Variants in ZNF521 observed in about 807,000 individuals in gnomAD.
ZNF521 encodes the protein LYST-interacting protein 3.
ZNF521 carries 14 observed loss-of-function variants against 105.5 expected under a neutral mutation model. The observed-to-expected ratio is 0.13, with a 90% confidence interval of 0.09 to 0.21. The LOEUF (loss-of-function observed/expected upper bound fraction) is 0.21, where lower values mean the gene tolerates loss of function less well. Ranked by LOEUF, ZNF521 falls within the 10% of genes least tolerant of loss-of-function variation. ZNF521 has a pLI of 1.00. For synonymous variants in ZNF521, 635 were observed against 606.0 expected (o/e 1.05, Z -0.70); for missense variants, 1,233 against 1,629.7 (o/e 0.76, Z 4.19).
At chr18:25,283,009 C>T (rs1216828145) in intron 3 of ZNF521, among the ~76,000 whole-genome samples, 1 of 152,202 alleles carries the variant, frequency 6.6e-6, no homozygotes, top group Non-Finnish European at 1.5e-5. Context: ...ATTAAACCTA[C>T]AGAGAATGAC....
intron 7 of ZNF521, among the ~76,000 whole-genome samples, chr18:25,074,833 T>C (rs1432116988): frequency 6.6e-6 from 1 of 152,124 alleles, no homozygotes; most frequent in African/African-American, 2.4e-5. Context: ...TCACCCCTTA[T>C]GGTGCACAGA....
chr18:25,313,206 T>C (rs937619451), intron 3 of ZNF521, among the ~76,000 whole-genome samples: 7 of 152,118 alleles, frequency 4.6e-5, no homozygotes, highest in African/African-American at 1.7e-4. Context: ...GCCCCTTTTA[T>C]CCCATCTCAT....
At chr18:25,181,598 A>G (rs566187331) in intron 5 of ZNF521, among the ~76,000 whole-genome samples, 1 of 152,346 alleles carries the variant, frequency 6.6e-6, no homozygotes, top group South Asian at 2.1e-4. Flanking sequence ...ATGAAGTTAT[A>G]GGATTCTTTA....
chr18:25,199,959 A>G (rs1390641496), intron 4 of ZNF521, among the ~76,000 whole-genome samples: 2 of 152,096 alleles, frequency 1.3e-5, no homozygotes, highest in Non-Finnish European at 2.9e-5. Context: ...TAGTCTATAA[A>G]GAACTTGTAT....
intron 5 of ZNF521, among the ~76,000 whole-genome samples, chr18:25,178,584 T>C (rs2035573865): frequency 6.6e-6 from 1 of 152,218 alleles, no homozygotes; most frequent in Admixed American, 6.5e-5. Context: ...TTTCCCACCA[T>C]TGCCAAAGAA....
At chr18:25,160,131 T>G (rs1284231885) in intron 5 of ZNF521, among the ~76,000 whole-genome samples, 1 of 152,182 alleles carries the variant, frequency 6.6e-6, no homozygotes, top group Non-Finnish European at 1.5e-5. Flanking sequence ...CAATCTGGAT[T>G]AGCCATCAGG....
intron 5 of ZNF521, among the ~76,000 whole-genome samples, chr18:25,140,392 G>A (rs2034824438): frequency 6.6e-6 from 1 of 152,166 alleles, no homozygotes; most frequent in Admixed American, 6.5e-5. Flanking sequence ...TTTTGATTGG[G>A]GATGACATTT....
At chr18:25,069,820 C>T (rs550441138) in intron 7 of ZNF521, among the ~76,000 whole-genome samples, 1 of 152,306 alleles carries the variant, frequency 6.6e-6, no homozygotes, top group Admixed American at 6.5e-5. Flanking sequence ...AAGTTCTACT[C>T]TTTTATTATG....
intron 4 of ZNF521, among the ~76,000 whole-genome samples, chr18:25,198,130 T>G (rs956238579): frequency 1.3e-5 from 2 of 151,892 alleles, no homozygotes; most frequent in African/African-American, 2.4e-5. Context: ...AGAGACTTTT[T>G]TTTTCATTAG....
chr18:25,150,884 CTTTTTTCTTTTTTTTTT>C (rs1421508433), intron 5 of ZNF521, among the ~76,000 whole-genome samples: 1 of 137,964 alleles, frequency 7.2e-6, no homozygotes, highest in South Asian at 2.3e-4. Context: ...CTTTTTTTTT[CTTTTTTCTTTTTTTTTT>C]TTTTTGAGAC....
chr18:25,299,378 A>G (rs1412768399), intron 3 of ZNF521, among the ~76,000 whole-genome samples: 1 of 152,234 alleles, frequency 6.6e-6, no homozygotes, highest in Non-Finnish European at 1.5e-5. Flanking sequence ...AAAATTCTCC[A>G]CAGACTAAGA....
chr18:25,117,016 CACAT>C (rs1443863417), intron 5 of ZNF521, among the ~76,000 whole-genome samples: 171 of 94,482 alleles, frequency 1.8e-3, no homozygotes, highest in Non-Finnish European at 2.7e-3. Flanking sequence ...TACACACACA[CACAT>C]ATATATATAC....
At chr18:25,188,655 G>A (rs536990254) in intron 5 of ZNF521, among the ~76,000 whole-genome samples, 5 of 152,256 alleles carry the variant, frequency 3.3e-5, no homozygotes, top group South Asian at 4.1e-4. Flanking sequence ...ACATTCTACC[G>A]GAAGTCAAAG....
chr18:25,243,236 T>G, intron 3 of ZNF521, among the ~76,000 whole-genome samples: 1 of 138,388 alleles, frequency 7.2e-6, no homozygotes, highest in East Asian at 1.9e-4. Flanking sequence ...CTGGTTTGAC[T>G]TTTTTTTCCT....
In ZNF521 at chr18:25,226,047, C is replaced by T; in HGVS notation, c.1871G>A (p.Gly624Glu). 1 of 1,614,176 alleles carries T rather than the reference C, an allele frequency of 6.2e-7. No individual in the cohort carries two copies. The highest frequency in any genetic ancestry group is 2.2e-5 in the East Asian group (1 of 44,870). The change falls in exon 4 of 8, where the codon GGA (glycine) becomes GAA (glutamate). Residue 624 changes from glycine (G) to glutamate (E), a missense_variant. Around this residue, in one of 6 missense-constraint regions of ZNF521, gnomAD observed 614 missense variants for 751.5 expected, o/e 0.82. Coordinates refer to ENST00000361524, the MANE Select transcript of ZNF521 (RefSeq NM_015461.3). The surrounding 1 kb of genome is among the most constrained non-coding windows in gnomAD (Gnocchi z 4.1). ...QTSLKMMQAVGGAPARPTGEY... is the reference protein window; with the variant it reads ...QTSLKMMQAVEGAPARPTGEY... ...TCCAGTGGGACGTGCAGGTGCACCT[C>T]CTACTGCCTGCATCATCTTAAGAGA...
chr18:25,092,010 G>A lies in ZNF521; in HGVS notation c.3730C>T (p.Leu1244=). Residue 1244 remains leucine (L), a synonymous_variant, in exon 6 of 8, where the codon CTG becomes TTG. Transcript: ENST00000361524. ...ATCCCTTCGAAGCTGTGCTCTATCA[G>A]GTGGCACTGGAGTTTGGCAGGAGAG... The part of the protein sequence containing the change: ...FDSPAKLQCH[L]IEHSFEGMGG... The A allele has an allele frequency of 6.2e-7, 1 of 1,614,058 alleles. No individual in the cohort carries two copies. The highest frequency in any genetic ancestry group is 8.5e-7 in the Non-Finnish European group (1 of 1,179,932).
At chr18:25,349,691 GGGCGCCGCGGC>G in intron 2 of ZNF521, among the ~76,000 whole-genome samples, 1 of 151,766 alleles carries the variant, frequency 6.6e-6, no homozygotes, top group Middle Eastern at 3.4e-3. Context: ...CGGGGCCACG[GGGCGCCGCGGC>G]CCGGCAGCCA....
rs555488369 is a variant in ZNF521 at position 25,189,723 on chromosome 18, A to C, written c.3658+5437T>G. 3.9e-5 allele frequency among the ~76,000 whole-genome samples: 6 copies of C among 152,352 alleles called. No homozygotes were observed. The South Asian group carries it at 6.2e-4, about 16-fold the overall frequency. Reference sequence around the variant, plus strand: ...ATCCCCAGATCACACATTTGTTTAAATGTTTTGGCTGGTTTACAAATCATG... The same window carrying C: ...ATCCCCAGATCACACATTTGTTTAACTGTTTTGGCTGGTTTACAAATCATG... On this transcript the variant is annotated intron_variant, in intron 5 of 7. Coordinates refer to ENST00000361524, the MANE Select transcript of ZNF521 (RefSeq NM_015461.3).
intron 5 of ZNF521, among the ~76,000 whole-genome samples, chr18:25,095,290 C>A (rs1002515217): frequency 6.6e-6 from 1 of 152,160 alleles, no homozygotes; most frequent in African/African-American, 2.4e-5. Flanking sequence ...TCCTCCTCCT[C>A]TTCCTAAAGG....
Sources: gnomAD v4.1 joint callset for allele counts (sites outside exome capture counted in the v4.1 genomes callset) on GRCh38, gnomAD v4.1.1 for gene constraint, gnomAD v4.1.1 regional missense constraint, Gnocchi (gnomAD v3.1) non-coding constraint, MANE v1.5 for transcripts, NCBI Gene and HGNC (gene_info 2026-07-23, HGNC 2026-07-21) for gene names.